RBFOX1: variants seen among roughly 807,000 people sequenced by gnomAD.
The protein encoded by RBFOX1 is RNA binding protein fox-1 homolog 1.
In RBFOX1, 8 loss-of-function variants were observed where a neutral mutation model predicts 57.7. The observed-to-expected ratio is 0.14, with a 90% CI of 0.08 to 0.25. RBFOX1 has a LOEUF of 0.25. RBFOX1 is among the 10% of genes least tolerant of loss of function. RBFOX1 has a pLI of 1.00. For synonymous variants in RBFOX1, 326 were observed against 222.4 expected (o/e 1.47, Z -4.15); for missense variants, 611 against 548.5 (o/e 1.11, Z -1.14).
intron 3 of RBFOX1, among the ~76,000 whole-genome samples, chr16:6,848,290 G>A (rs2093873896): frequency 3.9e-5 from 6 of 152,058 alleles, no homozygotes; most frequent in Admixed American, 3.9e-4. Context: ...GTGGGAAGGT[G>A]GGCATAGTAT....
At chr16:5,329,768 G>C (rs1005841433) in intron 1 of RBFOX1, among the ~76,000 whole-genome samples, 3 of 152,238 alleles carry the variant, frequency 2.0e-5, no homozygotes, top group African/African-American at 7.2e-5. Context: ...GGGAGGCTGA[G>C]GCGGGTGGAT....
chr16:5,762,024 C>T (rs2053612855), intron 3 of RBFOX1, among the ~76,000 whole-genome samples: 1 of 152,076 alleles, frequency 6.6e-6, no homozygotes, highest in Non-Finnish European at 1.5e-5. Context: ...GTGAACTTCT[C>T]CGAGCAGCAA....
intron 4 of RBFOX1, among the ~76,000 whole-genome samples, chr16:7,055,445 G>A (rs750173591): frequency 2.6e-5 from 4 of 152,160 alleles, no homozygotes; most frequent in Non-Finnish European, 5.9e-5. Flanking sequence ...TGCAATCCCT[G>A]TGCTTCCGTT....
At chr16:6,252,521 G>A (rs1046823668) in intron 1 of RBFOX1, among the ~76,000 whole-genome samples, 5 of 152,158 alleles carry the variant, frequency 3.3e-5, no homozygotes, top group Non-Finnish European at 4.4e-5. Flanking sequence ...TTGGGAAGTC[G>A]ACCCGAAGGA....
At chr16:5,279,534 C>G (rs1356543926) in intron 1 of RBFOX1, among the ~76,000 whole-genome samples, 5 of 152,142 alleles carry the variant, frequency 3.3e-5, no homozygotes, top group Admixed American at 2.6e-4. Context: ...TAGAGTCTCA[C>G]TCTGTTGCCC....
intron 1 of RBFOX1, among the ~76,000 whole-genome samples, chr16:6,041,686 G>T (rs2095438009): frequency 6.6e-6 from 1 of 152,036 alleles, no homozygotes; most frequent in South Asian, 2.1e-4. Flanking sequence ...TAGTGTAAGG[G>T]GAAGTCTTAG....
intron 3 of RBFOX1, among the ~76,000 whole-genome samples, chr16:6,881,465 A>G (rs1181933365): frequency 6.6e-6 from 1 of 152,118 alleles, no homozygotes; most frequent in Non-Finnish European, 1.5e-5. Flanking sequence ...CTGCAGGCCT[A>G]TCCGTGGCTT....
At chr16:5,815,156 A>ATTTTTTTTTTT (rs71142650) in intron 3 of RBFOX1, among the ~76,000 whole-genome samples, 3 of 114,220 alleles carry the variant, frequency 2.6e-5, no homozygotes, top group African/African-American at 3.5e-5. Context: ...ATTTAATTTA[A>ATTTTTTTTTTT]TTTTTTTTTT....
At chr16:5,614,736 C>T (rs919196366) in intron 3 of RBFOX1, among the ~76,000 whole-genome samples, 1 of 152,194 alleles carries the variant, frequency 6.6e-6, no homozygotes, top group Non-Finnish European at 1.5e-5. Context: ...TGAGTGCTTA[C>T]TGAATGCAAA....
At chr16:6,103,897 G>T (rs994992985) in intron 1 of RBFOX1, among the ~76,000 whole-genome samples, 7 of 152,154 alleles carry the variant, frequency 4.6e-5, no homozygotes, top group African/African-American at 7.2e-5. Context: ...TTTTTGCTCT[G>T]TTCCAATTTG....
At chr16:6,750,387 C>T (rs975239973) in intron 3 of RBFOX1, among the ~76,000 whole-genome samples, 2 of 152,258 alleles carry the variant, frequency 1.3e-5, no homozygotes, top group East Asian at 1.9e-4. Flanking sequence ...TGCAACTGGG[C>T]TTAAAATAGC....
At chr16:6,385,970 C>T (rs1312659609) in intron 2 of RBFOX1, among the ~76,000 whole-genome samples, 16 of 148,982 alleles carry the variant, frequency 1.1e-4, no homozygotes, top group African/African-American at 2.5e-4. Flanking sequence ...GAGTCTTGCT[C>T]TGTCGCCCAG....
chr16:7,711,173 C>T lies in RBFOX1; in HGVS notation c.*428C>T, dbSNP rs8061981. On this transcript the variant is annotated 3_prime_UTR_variant, in exon 16 of 16. Coordinates refer to ENST00000550418, the MANE Select transcript of RBFOX1 (RefSeq NM_018723.4). ...TCTGCACCTGCATTATTTTATTTTG[C>T]GAAAGGGGAGGTTGGGAGGGGCTTA... 149,565 of 152,274 alleles carry T rather than the reference C, an allele frequency of 0.98. 73,513 individuals carry two copies. The highest frequency in any genetic ancestry group is 1 in the Middle Eastern group (296 of 296). The allele number at this position is 152,274 out of a possible 1,614,324, so 9.4% of individuals were successfully genotyped here.
chr16:7,188,719 A>G (rs191938440), intron 4 of RBFOX1, among the ~76,000 whole-genome samples: 1 of 152,222 alleles, frequency 6.6e-6, no homozygotes, highest in African/African-American at 2.4e-5. Context: ...CATTTCTACC[A>G]TATATTTGGA....
chr16:6,629,523 C>G (rs59149058), intron 2 of RBFOX1, among the ~76,000 whole-genome samples: 2 of 152,136 alleles, frequency 1.3e-5, no homozygotes, highest in African/African-American at 2.4e-5. Context: ...ATACTTTCAT[C>G]TTTTGACCCT....
chr16:5,772,128 C>T (rs1052102341), intron 3 of RBFOX1, among the ~76,000 whole-genome samples: 16 of 152,230 alleles, frequency 1.1e-4, no homozygotes, highest in African/African-American at 2.9e-4. Context: ...GCCGAGATCA[C>T]ACCAGCACAC....
chr16:5,761,878 C>G (rs183949472), intron 3 of RBFOX1, among the ~76,000 whole-genome samples: 1 of 152,112 alleles, frequency 6.6e-6, no homozygotes, highest in Non-Finnish European at 1.5e-5. Context: ...CATCCTAGGT[C>G]TGGTCCTTAC....
At chr16:6,597,102 TC>T (rs1466643949) in intron 2 of RBFOX1, among the ~76,000 whole-genome samples, 2 of 152,172 alleles carry the variant, frequency 1.3e-5, no homozygotes, top group Non-Finnish European at 2.9e-5. Context: ...TGTGTTCTGT[TC>T]TTTTTCTGGA....
At chr16:6,320,847 G>T (rs928668743) in intron 2 of RBFOX1, among the ~76,000 whole-genome samples, 1 of 152,258 alleles carries the variant, frequency 6.6e-6, no homozygotes, top group East Asian at 1.9e-4. Context: ...AGGCTGGAGT[G>T]CAGTGGCACG....
Sources: allele counts gnomAD v4.1 joint callset (sites outside exome capture counted in the v4.1 genomes callset), GRCh38; gene constraint gnomAD v4.1.1; transcripts MANE v1.5; gene names NCBI Gene and HGNC (gene_info 2026-07-23, HGNC 2026-07-21).